The following ZFHX4 variants were observed in gnomAD, a reference collection of about 807,000 sequenced individuals.
The protein encoded by ZFHX4 is zinc finger homeobox 4, also known as zinc finger homeobox protein 4.
Under a neutral mutation model 267.6 loss-of-function variants are expected in ZFHX4, and 56 were observed. The observed-to-expected ratio is 0.21, with a 90% confidence interval of 0.17 to 0.26. ZFHX4 has a LOEUF of 0.26. Among genes scored for constraint, ZFHX4 ranks in the 10% least tolerant of loss-of-function variants. ZFHX4 has a pLI of 1.00. For missense variants in ZFHX4, 4,332 were observed against 4,420.0 expected (o/e 0.98, Z 0.56); for synonymous variants, 1,778 against 1,665.6 (o/e 1.07, Z -1.64).
chr8:76,864,611 AT>A lies in ZFHX4; in HGVS notation c.*47del, dbSNP rs1037344400. 83 of 1,278,982 alleles carry A rather than the reference AT, an allele frequency of 6.5e-5. No homozygotes were observed. Among genetic ancestry groups the A allele is most frequent in the Non-Finnish European group, 7.7e-5 (76 of 990,370 alleles). The allele number at this position is 1,278,982 out of a possible 1,614,324, so 79.2% of individuals were successfully genotyped here. A position where few individuals can be genotyped will look rare whatever the true frequency, so the allele number is the denominator to read the frequency against. ...GCTTAAAAAAATAAAAAATAAAAAA[AT>A]AAAAAAAAAATAAGACTTTAACTGC... On this transcript the variant is annotated 3_prime_UTR_variant, in exon 11 of 11. Coordinates refer to ENST00000651372, the MANE Select transcript of ZFHX4 (RefSeq NM_024721.5).
intron 4 of ZFHX4, among the ~76,000 whole-genome samples, chr8:76,832,560 GAGA>G (rs1812857102): frequency 6.6e-6 from 1 of 152,252 alleles, no homozygotes; most frequent in East Asian, 1.9e-4. Flanking sequence ...GGTCAGGAAA[GAGA>G]AGAAGACAGA....
chr8:76,808,554 G>A (rs747208450), intron 4 of ZFHX4, among the ~76,000 whole-genome samples: 2 of 152,124 alleles, frequency 1.3e-5, no homozygotes, highest in Non-Finnish European at 2.9e-5. Context: ...CTGTTTAAGT[G>A]TATCGATAAA....
At position 76,778,330 on chromosome 8, in the gene ZFHX4, G is replaced by A. The variant is rs374809945; in HGVS notation, c.3216G>A (p.Gln1072=). Residue 1072 remains glutamine (Q), a synonymous_variant, in exon 4 of 11, where the codon CAG becomes CAA. Transcript: ENST00000651372. ...LVQHVRSVKH[Q]QTEGLRKLQL... ...AACATGTCCGTTCGGTGAAGCATCA[G>A]CAGACTGAGGGCCTACGGAAGCTCC... is the stretch of plus-strand genomic sequence containing the variant. 3.7e-6 allele frequency: 6 copies of A among 1,613,728 alleles called. No individual in the cohort carries two copies. In the African/African-American group the frequency reaches 8.0e-5, roughly 22 times the overall value.
chr8:76,702,775 A>C (rs541451364), intron 1 of ZFHX4, among the ~76,000 whole-genome samples: 2 of 152,216 alleles, frequency 1.3e-5, no homozygotes, highest in Non-Finnish European at 2.9e-5. Flanking sequence ...GATTTGAAAT[A>C]AGGTTGCTTA....
At chr8:76,828,721 A>G (rs562070700) in intron 4 of ZFHX4, among the ~76,000 whole-genome samples, 4 of 152,200 alleles carry the variant, frequency 2.6e-5, no homozygotes, top group South Asian at 4.1e-4. Flanking sequence ...GTGAAGGTTG[A>G]CACTTGTGAA....
Position 76,741,172 on chromosome 8 carries a change from T to C in ZFHX4, c.3093+33124T>C, listed in dbSNP as rs896853279. 3.3e-5 allele frequency among the ~76,000 whole-genome samples: 5 copies of C among 152,168 alleles called. No homozygotes were observed. In the East Asian group the frequency reaches 9.6e-4, roughly 29 times the overall value. ...AGATGATGAAGTGCAGCAAATGCTA[T>C]ACAGAGGGTTCAGAATATCTGGAGA... On this transcript the variant is annotated intron_variant, in intron 3 of 10. Transcript: ENST00000651372.
intron 4 of ZFHX4, among the ~76,000 whole-genome samples, chr8:76,793,083 G>T (rs577310754): frequency 6.6e-6 from 1 of 152,246 alleles, no homozygotes; most frequent in Non-Finnish European, 1.5e-5. Flanking sequence ...AACTTGTCCA[G>T]ACTCGCAGGA....
intron 3 of ZFHX4, among the ~76,000 whole-genome samples, chr8:76,731,013 G>T (rs1808995483): frequency 6.6e-6 from 1 of 152,080 alleles, no homozygotes; most frequent in Non-Finnish European, 1.5e-5. Context: ...TGAGGAGCTG[G>T]GATATGAACC....
intron 3 of ZFHX4, among the ~76,000 whole-genome samples, chr8:76,775,000 A>G (rs886785846): frequency 2.6e-5 from 4 of 152,216 alleles, no homozygotes; most frequent in Admixed American, 6.6e-5. Context: ...GCATAAATTG[A>G]ATGTTTCCAG....
At chr8:76,752,280 A>C (rs541390600) in intron 3 of ZFHX4, among the ~76,000 whole-genome samples, 1 of 152,126 alleles carries the variant, frequency 6.6e-6, no homozygotes, top group African/African-American at 2.4e-5. Context: ...AACTATATTT[A>C]GTATGGCTCT....
In ZFHX4 at chr8:76,855,394, A is replaced by T. The variant is rs762543039; in HGVS notation, c.8473A>T (p.Ser2825Cys). The change falls in exon 10 of 11, where the codon AGC (serine) becomes TGC (cysteine). Residue 2825 changes from serine to cysteine, a missense_variant. Ser to Cys is a moderately radical substitution (Grantham distance 112). Transcript: ENST00000651372. ...AGACGAGGGAAACACTGAAATGGAA[A>T]GCACCACAGGAAGTTCCGGAGATGT... ...TGDEGNTEMESTTGSSGDVKP... is the reference protein window; with the variant it reads ...TGDEGNTEMECTTGSSGDVKP... 17 of 1,613,772 alleles carry T rather than the reference A, an allele frequency of 1.1e-5. No homozygotes were observed. The highest frequency in any genetic ancestry group is 4.5e-5 in the East Asian group (2 of 44,812).
At chr8:76,783,020 C>T (rs986905309) in intron 4 of ZFHX4, among the ~76,000 whole-genome samples, 5 of 151,962 alleles carry the variant, frequency 3.3e-5, no homozygotes, top group African/African-American at 1.2e-4. Flanking sequence ...AGCAGAAGAG[C>T]ATAGAAAGGT....
intron 3 of ZFHX4, among the ~76,000 whole-genome samples, chr8:76,743,763 G>A (rs1003051655): frequency 1.3e-5 from 2 of 152,172 alleles, no homozygotes; most frequent in Admixed American, 1.3e-4. Context: ...ATCAGGAGCA[G>A]ATGTATTAAG....
At chr8:76,757,159 A>G (rs1427261699) in intron 3 of ZFHX4, among the ~76,000 whole-genome samples, 1 of 152,212 alleles carries the variant, frequency 6.6e-6, no homozygotes. Context: ...TTGGGCACAA[A>G]TGATATGACA....
At chr8:76,766,687 T>C (rs1339358598) in intron 3 of ZFHX4, among the ~76,000 whole-genome samples, 2 of 151,950 alleles carry the variant, frequency 1.3e-5, no homozygotes, top group African/African-American at 4.8e-5. Context: ...CCTTTTTACA[T>C]AGAGTGGAGG....
chr8:76,793,884 G>A (rs1810903769), intron 4 of ZFHX4, among the ~76,000 whole-genome samples: 1 of 152,032 alleles, frequency 6.6e-6, no homozygotes, highest in Non-Finnish European at 1.5e-5. Flanking sequence ...ATTCTTACGA[G>A]TACGTAAGAC....
intron 4 of ZFHX4, among the ~76,000 whole-genome samples, chr8:76,780,076 G>T (rs1387833559): frequency 1.3e-5 from 2 of 150,916 alleles, no homozygotes; most frequent in African/African-American, 2.4e-5. Flanking sequence ...AAACACAAAA[G>T]CATGGTAACC....
intron 4 of ZFHX4, among the ~76,000 whole-genome samples, chr8:76,802,758 C>T (rs953818489): frequency 6.6e-6 from 1 of 152,140 alleles, no homozygotes; most frequent in Non-Finnish European, 1.5e-5. Context: ...AGATTATCAG[C>T]TTTAGGCCTC....
chr8:76,706,324 C>G lies in ZFHX4; in HGVS notation c.2236C>G (p.Pro746Ala), dbSNP rs1483019950. The G allele has an allele frequency of 2.5e-6, 4 of 1,613,962 alleles. No individual in the cohort carries two copies. Among genetic ancestry groups the G allele is most frequent in the South Asian group, 2.2e-5 (2 of 91,078 alleles). The change falls in exon 2 of 11, where the codon CCC becomes GCC. Residue 746 changes from proline to alanine, a missense_variant. This residue lies in a region of ZFHX4 where 1,195 missense variants were observed against 1,173.6 expected (regional missense o/e 1.02). Transcript: ENST00000651372. ...GGTGTTTGGCCACTCTGCCCCAGCC[C>G]CCAACACCAGCCTCAGTGGCTGCGG... ...EQVFGHSAPA[P>A]NTSLSGCGTP...
Sources: allele counts gnomAD v4.1 joint callset (sites outside exome capture counted in the v4.1 genomes callset), GRCh38; gene constraint gnomAD v4.1.1; regional missense constraint gnomAD v4.1.1; transcripts MANE v1.5; gene names NCBI Gene and HGNC (gene_info 2026-07-23, HGNC 2026-07-21).